Variants in RAPH1 observed in about 807,000 individuals in gnomAD.
The protein encoded by RAPH1 is Ras association (RalGDS/AF-6) and pleckstrin homology domains 1, also known as ras-associated and pleckstrin homology domains-containing protein 1.
A neutral mutation model predicts 88.1 loss-of-function variants in RAPH1; 18 were observed. The ratio of observed to expected loss-of-function variants is 0.20; its 90% CI spans 0.14 to 0.30. The LOEUF is 0.30. RAPH1 is among the 10% of genes least tolerant of loss of function. The probability of loss-of-function intolerance (pLI) is 1.00; values close to 1 mark genes in which losing one functional copy is unlikely to be tolerated. For missense variants in RAPH1, 1,448 were observed against 1,543.2 expected (o/e 0.94, Z 1.03); for synonymous variants, 587 against 559.0 (o/e 1.05, Z -0.71).
chr2:203,485,285 C>T (rs1687915092), intron 4 of RAPH1, among the ~76,000 whole-genome samples: 2 of 151,858 alleles, frequency 1.3e-5, no homozygotes, highest in South Asian at 4.2e-4. Context: ...GTGGCATGTG[C>T]TTGTAATCCC....
chr2:203,456,222 G>A (rs557941592), intron 8 of RAPH1, among the ~76,000 whole-genome samples: 2 of 152,262 alleles, frequency 1.3e-5, no homozygotes, highest in South Asian at 2.1e-4. Flanking sequence ...TGAGTTGCAT[G>A]TAACAGTAGT....
intron 12 of RAPH1, chr2:203,445,411 A>G (rs2153635446): frequency 6.2e-6 from 1 of 162,580 alleles, no homozygotes; most frequent in Admixed American, 6.2e-5. Flanking sequence ...CCTTAAGGTC[A>G]CGCCAGAATT....
intron 1 of RAPH1, among the ~76,000 whole-genome samples, chr2:203,500,415 T>C (rs1210160365): frequency 6.6e-6 from 1 of 152,106 alleles, no homozygotes; most frequent in African/African-American, 2.4e-5. Flanking sequence ...TACAGACTCA[T>C]GGAAAATGAG....
intron 1 of RAPH1, among the ~76,000 whole-genome samples, chr2:203,518,648 C>T (rs1357514438): frequency 2.0e-5 from 3 of 152,028 alleles, no homozygotes; most frequent in African/African-American, 7.2e-5. Flanking sequence ...GAGTTCAACA[C>T]CAGCCTGAGC....
chr2:203,526,225 T>TA (rs1559506568), intron 1 of RAPH1, among the ~76,000 whole-genome samples: 2 of 152,138 alleles, frequency 1.3e-5, no homozygotes, highest in Admixed American at 6.6e-5. Flanking sequence ...TAACGTTTTT[T>TA]AAAAAAATGT....
intron 1 of RAPH1, among the ~76,000 whole-genome samples, chr2:203,514,616 G>C (rs1354406668): frequency 6.6e-6 from 1 of 151,962 alleles, no homozygotes; most frequent in Admixed American, 6.6e-5. Flanking sequence ...GTGCAGTGGC[G>C]TGATCTCGGC....
chr2:203,530,380 A>G (rs962820221), intron 1 of RAPH1, among the ~76,000 whole-genome samples: 1 of 152,202 alleles, frequency 6.6e-6, no homozygotes, highest in Non-Finnish European at 1.5e-5. Context: ...GATGTTAAAC[A>G]ATCCATTTAT....
At position 203,436,798 on chromosome 2, in the gene RAPH1, G is replaced by C. The variant is rs577478616; in HGVS notation, c.*2639C>G. 73 of 152,184 alleles carry C rather than the reference G, an allele frequency of 4.8e-4. No homozygotes were observed. The highest frequency in any genetic ancestry group is 1.5e-3 in the African/African-American group (61 of 41,516). 9.4% of individuals were successfully genotyped at this position (152,184 alleles called of 1,614,324 possible). A position where few individuals can be genotyped will look rare whatever the true frequency, so the allele number is the denominator to read the frequency against. On this transcript the variant is annotated 3_prime_UTR_variant, in exon 14 of 14. Coordinates refer to ENST00000319170, the MANE Select transcript of RAPH1 (RefSeq NM_213589.3). ...AGATGCTTTCCATGAATACACCAGAGAAAAAGAGCTACAGAAATACAGTCT... is the reference window on the plus strand; with the variant it reads ...AGATGCTTTCCATGAATACACCAGACAAAAAGAGCTACAGAAATACAGTCT...
chr2:203,496,832 C>G (rs1688538237), intron 1 of RAPH1, among the ~76,000 whole-genome samples: 1 of 152,160 alleles, frequency 6.6e-6, no homozygotes, highest in Admixed American at 6.6e-5. Context: ...ATTAAATACT[C>G]TTGACTCACA....
chr2:203,454,766 A>G (rs1014989275), intron 9 of RAPH1, among the ~76,000 whole-genome samples: 3 of 152,214 alleles, frequency 2.0e-5, no homozygotes, highest in Admixed American at 2.0e-4. Flanking sequence ...ATTCACAATG[A>G]ACACTAACTT....
At chr2:203,462,715 C>A (rs1422961678) in intron 4 of RAPH1, among the ~76,000 whole-genome samples, 1 of 152,048 alleles carries the variant, frequency 6.6e-6, no homozygotes, top group Non-Finnish European at 1.5e-5. Flanking sequence ...TATACTTAAA[C>A]CATTTGTCTG....
chr2:203,512,585 T>C (rs1171192096), intron 1 of RAPH1, among the ~76,000 whole-genome samples: 1 of 151,276 alleles, frequency 6.6e-6, no homozygotes, highest in Non-Finnish European at 1.5e-5. Flanking sequence ...ATGAGTTTGT[T>C]GGGTATTTAA....
intron 2 of RAPH1, among the ~76,000 whole-genome samples, chr2:203,493,118 G>T (rs1055182250): frequency 1.3e-5 from 2 of 152,158 alleles, no homozygotes; most frequent in Non-Finnish European, 2.9e-5. Flanking sequence ...GTGTTACAAA[G>T]CAACATATTA....
rs71408943 is a variant in RAPH1 at position 203,517,359 on chromosome 2, CAAAAAAAA to C, written c.-1+17744_-1+17751del. ...CAACAGAGCATCAAACTATGAGAGG[CAAAAAAAA>C]AAAAAAAAAAAAAAAAGACAGAAAA... On this transcript the variant is annotated intron_variant, in intron 1 of 13. Transcript: ENST00000319170. Among the ~76,000 whole-genome samples the C allele has an allele frequency of 8.1e-4, 26 of 32,156 alleles. No homozygotes were observed. In the East Asian group the frequency reaches 0.012, roughly 15 times the overall value. The allele number at this position is 32,156 out of a possible 152,430, so 21.1% of individuals were successfully genotyped here.
intron 1 of RAPH1, among the ~76,000 whole-genome samples, chr2:203,508,076 C>T (rs1197710921): frequency 6.6e-6 from 1 of 151,226 alleles, no homozygotes; most frequent in Non-Finnish European, 1.5e-5. Context: ...AAAAATTAGC[C>T]ACATGTGGTG....
chr2:203,463,879 TCA>T (rs1410836850), intron 4 of RAPH1, among the ~76,000 whole-genome samples: 1 of 152,244 alleles, frequency 6.6e-6, no homozygotes, highest in Non-Finnish European at 1.5e-5. Context: ...ATTAAAACTC[TCA>T]GTTTTTAGAA....
intron 10 of RAPH1, among the ~76,000 whole-genome samples, chr2:203,453,752 T>TGGA (rs2098516793): frequency 6.6e-6 from 1 of 151,978 alleles, no homozygotes; most frequent in South Asian, 2.1e-4. Flanking sequence ...ATTACAAAGA[T>TGGA]GGAGCCAATG....
At position 203,441,054 on chromosome 2, in the gene RAPH1, G is replaced by C; in HGVS notation, c.2136C>G (p.Pro712=). ...GGGTTGGGGGTGGAGGAGGGGGAGG[G>C]GGTGGTGGAACAACTCCATTGGGGG... ...LVPPNGVVPP[P]PPPPPPPTPG... The change falls in exon 14 of 14, where the codon CCC becomes CCG. Residue 712 remains proline (P), a synonymous_variant. Transcript: ENST00000319170. 1.4e-6 allele frequency: 2 copies of C among 1,449,440 alleles called. No individual in the cohort carries two copies. Among genetic ancestry groups the C allele is most frequent in the African/African-American group, 2.9e-5 (2 of 70,116 alleles). The allele number at this position is 1,449,440 out of a possible 1,614,324, so 89.8% of individuals were successfully genotyped here. A position where few individuals can be genotyped will look rare whatever the true frequency, so the allele number is the denominator to read the frequency against.
intron 1 of RAPH1, among the ~76,000 whole-genome samples, chr2:203,501,812 TATG>T (rs1447402778): frequency 9.4e-5 from 11 of 117,094 alleles, no homozygotes; most frequent in African/African-American, 3.8e-4. Context: ...AGCTAAGCAT[TATG>T]AAAAAAAAAA....
Sources: allele counts gnomAD v4.1 joint callset (sites outside exome capture counted in the v4.1 genomes callset), GRCh38; gene constraint gnomAD v4.1.1; transcripts MANE v1.5; gene names NCBI Gene and HGNC (gene_info 2026-07-23, HGNC 2026-07-21).